Variants in TENM3 observed in about 807,000 individuals in gnomAD.
The protein encoded by TENM3 is teneurin transmembrane protein 3, also known as teneurin-3.
Under a neutral mutation model 255.1 loss-of-function variants are expected in TENM3, and 63 were observed. The ratio of observed to expected loss-of-function variants is 0.25; its 90% CI spans 0.20 to 0.30. TENM3 has a LOEUF of 0.30. Among genes scored for constraint, TENM3 ranks in the 10% least tolerant of loss-of-function variants. TENM3 has a pLI of 1.00. For missense variants in TENM3, 2,929 were observed against 3,461.1 expected, an observed-to-expected ratio of 0.85 and a Z score of 3.86; for synonymous variants, 1,306 against 1,322.3, an observed-to-expected ratio of 0.99 and a Z score of 0.27.
the TENM3 span, among the ~76,000 whole-genome samples, chr4:181,954,637 G>A: frequency 2.6e-5 from 4 of 151,850 alleles, no homozygotes; most frequent in African/African-American, 7.3e-5. Flanking sequence ...TGTATGCTTC[G>A]GTTATATATT....
intron 5 of TENM3, among the ~76,000 whole-genome samples, chr4:182,639,775 C>T (rs1752138884): frequency 6.6e-6 from 1 of 152,162 alleles, no homozygotes; most frequent in African/African-American, 2.4e-5. Flanking sequence ...TGACACTTGC[C>T]TTTAACATCT....
At chr4:182,509,646 G>A (rs970430709) in intron 3 of TENM3, among the ~76,000 whole-genome samples, 2 of 152,096 alleles carry the variant, frequency 1.3e-5, no homozygotes, top group East Asian at 1.9e-4. Flanking sequence ...GGGATGGAAA[G>A]TAAAAAATGG....
chr4:181,463,840 A>G, the TENM3 span, among the ~76,000 whole-genome samples: 110,644 of 151,950 alleles, frequency 0.73, 41,111 homozygotes, highest in African/African-American at 0.83. Context: ...TGGCAGCTAT[A>G]AGTCTACTTT....
intron 6 of TENM3, among the ~76,000 whole-genome samples, chr4:182,672,163 A>G (rs72703923): frequency 6.6e-6 from 1 of 152,294 alleles, no homozygotes; most frequent in Non-Finnish European, 1.5e-5. Flanking sequence ...AAGAGGGAAA[A>G]GAGGAACATC....
At chr4:181,594,893 C>A in the TENM3 span, among the ~76,000 whole-genome samples, 1 of 152,284 alleles carries the variant, frequency 6.6e-6, no homozygotes, top group Non-Finnish European at 1.5e-5. Flanking sequence ...CTAACACCCT[C>A]CAAGTTGCTT....
chr4:182,548,490 A>G (rs1421391660), intron 3 of TENM3, among the ~76,000 whole-genome samples: 8 of 152,212 alleles, frequency 5.3e-5, no homozygotes, highest in East Asian at 3.9e-4. Flanking sequence ...AGGCAACTCT[A>G]CCTGGGGGAG....
chr4:182,673,782 C>A (rs1043575755), intron 7 of TENM3, among the ~76,000 whole-genome samples: 3 of 152,152 alleles, frequency 2.0e-5, no homozygotes. Context: ...CAAGTATGAT[C>A]ATGTCAGTGT....
chr4:182,248,184 A>G (rs1757775545), intron 1 of TENM3, among the ~76,000 whole-genome samples: 1 of 152,228 alleles, frequency 6.6e-6, no homozygotes, highest in South Asian at 2.1e-4. Flanking sequence ...TGGGTGCAGC[A>G]AACCACCACG....
chr4:182,069,448 C>T, the TENM3 span, among the ~76,000 whole-genome samples: 4 of 152,262 alleles, frequency 2.6e-5, no homozygotes, highest in South Asian at 8.3e-4. Context: ...AACCAAATTT[C>T]CAGAAATTCC....
chr4:182,694,458 A>T (rs943479778), intron 12 of TENM3, among the ~76,000 whole-genome samples: 4 of 152,072 alleles, frequency 2.6e-5, no homozygotes, highest in Non-Finnish European at 4.4e-5. Flanking sequence ...AAGGTGGAGG[A>T]TATTGATGTA....
chr4:182,332,860 A>T (rs1161431036), intron 2 of TENM3, among the ~76,000 whole-genome samples: 1 of 152,190 alleles, frequency 6.6e-6, no homozygotes, highest in Non-Finnish European at 1.5e-5. Context: ...AGCACCTATG[A>T]TCCTGATTAA....
At chr4:182,144,822 C>T (rs1376949400) in intron 1 of TENM3, 2 of 150,998 alleles carry the variant, frequency 1.3e-5, no homozygotes, top group Non-Finnish European at 2.9e-5. Context: ...GCCGCGGCGC[C>T]GGGAGCTGGC....
the TENM3 span, among the ~76,000 whole-genome samples, chr4:181,790,889 C>T: frequency 6.6e-6 from 1 of 152,298 alleles, no homozygotes; most frequent in African/African-American, 2.4e-5. Context: ...CCTTTGCCTG[C>T]TTACTTTGTG....
intron 1 of TENM3, among the ~76,000 whole-genome samples, chr4:182,314,580 AT>A (rs1762645534): frequency 6.6e-6 from 1 of 152,106 alleles, no homozygotes; most frequent in Non-Finnish European, 1.5e-5. Flanking sequence ...GTGTGTGTAA[AT>A]TATTTATGTT....
the TENM3 span, among the ~76,000 whole-genome samples, chr4:181,447,881 A>T: frequency 6.6e-6 from 1 of 152,094 alleles, no homozygotes; most frequent in East Asian, 1.9e-4. Flanking sequence ...CTTCTAAAAG[A>T]CTGTCAAACA....
chr4:182,771,542 G>A (rs1373513832), intron 22 of TENM3, among the ~76,000 whole-genome samples: 1 of 151,888 alleles, frequency 6.6e-6, no homozygotes, highest in Admixed American at 6.6e-5. Context: ...CCTATGTAGA[G>A]GCATTCAAAA....
chr4:182,214,188 T>A (rs2149912002), intron 1 of TENM3, among the ~76,000 whole-genome samples: 1 of 152,288 alleles, frequency 6.6e-6, no homozygotes, highest in South Asian at 2.1e-4. Flanking sequence ...TTTGGATGTA[T>A]CAAGGAAGCA....
intron 3 of TENM3, among the ~76,000 whole-genome samples, chr4:182,573,410 TTAAAG>T (rs1744601926): frequency 6.6e-6 from 1 of 152,186 alleles, no homozygotes; most frequent in South Asian, 2.1e-4. Context: ...AGAACAAACA[TTAAAG>T]TAAGCTTTTT....
intron 22 of TENM3, among the ~76,000 whole-genome samples, chr4:182,772,245 C>G (rs1166250666): frequency 6.6e-6 from 1 of 152,180 alleles, no homozygotes; most frequent in African/African-American, 2.4e-5. Flanking sequence ...CAAAACACCT[C>G]TATCCTTTTA....
Sources: gnomAD v4.1 joint callset for allele counts (sites outside exome capture counted in the v4.1 genomes callset) on GRCh38, gnomAD v4.1.1 for gene constraint, MANE v1.5 for transcripts, NCBI Gene and HGNC (gene_info 2026-07-23, HGNC 2026-07-21) for gene names.